The following ADI1 variants were observed in gnomAD, a reference collection of about 807,000 sequenced individuals.
ADI1 encodes the protein acireductone dioxygenase.
In ADI1, 21 loss-of-function variants were observed where a neutral mutation model predicts 18.7. The observed-to-expected ratio is 1.13, with a 90% CI of 0.80 to 1.62. The LOEUF (loss-of-function observed/expected upper bound fraction) is 1.62, where lower values mean the gene tolerates loss of function less well. Among genes scored for constraint, ADI1 ranks in the 40% most tolerant of loss-of-function variants. The probability of loss-of-function intolerance (pLI) is 0.00; values close to 1 mark genes in which losing one functional copy is unlikely to be tolerated. For missense variants in ADI1, 245 were observed against 254.9 expected (o/e 0.96, Z 0.26); for synonymous variants, 90 against 100.1 (o/e 0.90, Z 0.60).
chr2:3,500,825 C>G lies in ADI1; in HGVS notation c.409G>C (p.Val137Leu), dbSNP rs2103200907. 1.2e-6 allele frequency: 2 copies of G among 1,614,156 alleles called. No homozygotes were observed. The highest frequency in any genetic ancestry group is 4.5e-5 in the East Asian group (2 of 44,890). ...CACAGCACTCCCACCTTCTCGTCCA[C>G]CGTGAAGCGGTGATAGATCCCCGCG... The part of the protein sequence containing the change: ...LPAGIYHRFT[V>L]DEKNYTKAMR... Residue 137 changes from valine to leucine, a missense_variant, in exon 3 of 4, where the codon GTG (valine) becomes CTG (leucine). By Grantham distance (32) the Val-to-Leu change is conservative. Transcript: ENST00000327435.
intron 2 of ADI1, among the ~76,000 whole-genome samples, chr2:3,503,081 G>A (rs1468751731): frequency 2.0e-5 from 3 of 151,594 alleles, no homozygotes; most frequent in Admixed American, 1.3e-4. Context: ...TCACACAGGC[G>A]CACTGTCACA....
At chr2:3,516,823 C>T in intron 1 of ADI1, 1 of 985,358 alleles carries the variant, frequency 1.0e-6, no homozygotes, top group Non-Finnish European at 1.2e-6. Context: ...TAAACAGATA[C>T]ACAAACATGT....
At chr2:3,515,433 C>A (rs1667380052) in intron 1 of ADI1, 1 of 150,296 alleles carries the variant, frequency 6.7e-6, no homozygotes, top group Non-Finnish European at 1.5e-5. Context: ...GTGGTCAGAC[C>A]AGTTCTCTGC....
At chr2:3,515,908 C>T (rs1298914801) in intron 1 of ADI1, 24 of 985,294 alleles carry the variant, frequency 2.4e-5, no homozygotes, top group Admixed American at 6.1e-5. Flanking sequence ...TACTCCAGAA[C>T]ATATTAAAGT....
At chr2:3,516,610 C>T in intron 1 of ADI1, 1 of 590,068 alleles carries the variant, frequency 1.7e-6, no homozygotes, top group African/African-American at 2.0e-5. Context: ...TCTGCTGGCA[C>T]CTTAATCTTG....
Position 3,498,889 on chromosome 2 carries a change from A to C in ADI1, c.*74T>G, listed in dbSNP as rs1187556012. On this transcript the variant is annotated 3_prime_UTR_variant, in exon 4 of 4. Coordinates refer to ENST00000327435, the MANE Select transcript of ADI1 (RefSeq NM_018269.4). Reference sequence around the variant, plus strand: ...AGGCTATCCTCTAAAAGCAAAGAGAAAGTGATTGATTTTCTGCTCAGTCAT... The same window carrying C: ...AGGCTATCCTCTAAAAGCAAAGAGACAGTGATTGATTTTCTGCTCAGTCAT... The C allele has an allele frequency of 1.3e-6, 2 of 1,526,300 alleles. No homozygotes were observed. The highest frequency in any genetic ancestry group is 2.3e-5 in the East Asian group (1 of 43,484). The allele number at this position is 1,526,300 out of a possible 1,614,324, so 94.5% of individuals were successfully genotyped here. A position where few individuals can be genotyped will look rare whatever the true frequency, so the allele number is the denominator to read the frequency against.
At chr2:3,505,277 C>T (rs965779483) in intron 2 of ADI1, among the ~76,000 whole-genome samples, 1 of 152,192 alleles carries the variant, frequency 6.6e-6, no homozygotes, top group African/African-American at 2.4e-5. Context: ...ACCACAGCCC[C>T]TCACACTGGA....
intron 2 of ADI1, among the ~76,000 whole-genome samples, chr2:3,503,003 G>A (rs1667061419): frequency 6.6e-6 from 1 of 152,124 alleles, no homozygotes. Context: ...GGAAAGCCCT[G>A]TGGATGTAAC....
chr2:3,518,793 C>G (rs769322018), intron 1 of ADI1, among the ~76,000 whole-genome samples: 1 of 152,240 alleles, frequency 6.6e-6, no homozygotes, highest in South Asian at 2.1e-4. Flanking sequence ...GGGCGTCGGA[C>G]AAGCCCAACG....
intron 1 of ADI1, chr2:3,514,668 T>A: frequency 9.0e-7 from 1 of 1,111,084 alleles, no homozygotes; most frequent in South Asian, 1.7e-5. Context: ...GGTTCAGTTT[T>A]ACTGTTCCTT....
intron 3 of ADI1, 191 bp downstream of exon 3, chr2:3,500,622 GC>G: frequency 1.4e-6 from 1 of 728,328 alleles, no homozygotes; most frequent in Non-Finnish European, 2.3e-6. Context: ...CACGGAGGCT[GC>G]CACGGAAGGA....
At chr2:3,500,493 G>T in intron 3 of ADI1, 2 of 483,660 alleles carry the variant, frequency 4.1e-6, no homozygotes, top group Non-Finnish European at 7.5e-6. Context: ...CCAAGCAAGG[G>T]CTGGGGCAGG....
intron 1 of ADI1, among the ~76,000 whole-genome samples, chr2:3,518,236 T>G (rs1360231876): frequency 6.6e-6 from 1 of 152,226 alleles, no homozygotes; most frequent in Non-Finnish European, 1.5e-5. Flanking sequence ...CACTTCCCTC[T>G]TCTGTTATTT....
At chr2:3,501,797 G>A (rs11692530) in intron 2 of ADI1, among the ~76,000 whole-genome samples, 74,025 of 151,970 alleles carry the variant, frequency 0.49, 21,133 homozygotes, top group African/African-American at 0.81. Context: ...CACAGTGCTG[G>A]GATTCCAGGT....
At chr2:3,509,527 A>G (rs2103209425) in intron 2 of ADI1, among the ~76,000 whole-genome samples, 1 of 152,368 alleles carries the variant, frequency 6.6e-6, no homozygotes, top group East Asian at 1.9e-4. Context: ...AAATCTAGAA[A>G]AATCCTCAAA....
chr2:3,506,076 G>T (rs1038706805), intron 2 of ADI1, among the ~76,000 whole-genome samples: 23 of 152,182 alleles, frequency 1.5e-4, no homozygotes, highest in Admixed American at 1.1e-3. Context: ...AGACAGGAGA[G>T]GAAGGGAAAC....
chr2:3,511,438 G>A (rs1478102720), intron 2 of ADI1, among the ~76,000 whole-genome samples: 4 of 152,006 alleles, frequency 2.6e-5, no homozygotes, highest in Non-Finnish European at 4.4e-5. Flanking sequence ...CTCCTGTTAT[G>A]TAAGATGCCT....
chr2:3,513,822 A>G (rs762425568), intron 2 of ADI1, 35 bp downstream of exon 2: 1 of 1,573,104 alleles, frequency 6.4e-7, no homozygotes, highest in South Asian at 1.2e-5. Context: ...GAATATAATG[A>G]TACTTCTTTT....
At chr2:3,506,594 C>G (rs970527216) in intron 2 of ADI1, among the ~76,000 whole-genome samples, 9 of 152,176 alleles carry the variant, frequency 5.9e-5, no homozygotes, top group African/African-American at 2.2e-4. Context: ...TAGGAAGACT[C>G]AGTAGTGTTA....
Sources: gnomAD v4.1 joint callset for allele counts (sites outside exome capture counted in the v4.1 genomes callset) on GRCh38, gnomAD v4.1.1 for gene constraint, MANE v1.5 for transcripts, NCBI Gene and HGNC (gene_info 2026-07-23, HGNC 2026-07-21) for gene names.